Variants in SMPD3 observed in about 807,000 individuals in gnomAD.
SMPD3 encodes the protein nSMase-2.
Under a neutral mutation model 55.7 loss-of-function variants are expected in SMPD3, and 21 were observed. The ratio of observed to expected loss-of-function variants is 0.38; its 90% CI spans 0.27 to 0.54. SMPD3 has a LOEUF of 0.54. SMPD3 is among the 20% of genes least tolerant of loss of function. The probability of loss-of-function intolerance (pLI) is 0.80; values close to 1 mark genes in which losing one functional copy is unlikely to be tolerated. For missense variants in SMPD3, 842 were observed against 899.6 expected (o/e 0.94, Z 0.82); for synonymous variants, 457 against 404.3 (o/e 1.13, Z -1.56).
At chr16:68,441,691 CAGATAT>C (rs1374099487) in intron 1 of SMPD3, among the ~76,000 whole-genome samples, 6 of 152,094 alleles carry the variant, frequency 3.9e-5, no homozygotes, top group African/African-American at 1.4e-4. Flanking sequence ...TATTAGACAA[CAGATAT>C]ATAGACAGAC....
intron 1 of SMPD3, among the ~76,000 whole-genome samples, chr16:68,395,309 C>G (rs1474049938): frequency 1.3e-5 from 2 of 152,234 alleles, no homozygotes; most frequent in African/African-American, 4.8e-5. Flanking sequence ...CAGGGGCTCT[C>G]TGTTCCCACA....
chr16:68,416,180 A>T (rs930840714), intron 1 of SMPD3, among the ~76,000 whole-genome samples: 1 of 152,230 alleles, frequency 6.6e-6, no homozygotes, highest in African/African-American at 2.4e-5. Flanking sequence ...CTGTGCCCGT[A>T]ATCAGGTGTG....
intron 1 of SMPD3, among the ~76,000 whole-genome samples, chr16:68,419,984 T>G (rs1344949730): frequency 1.2e-4 from 1 of 8,480 alleles, no homozygotes; most frequent in Non-Finnish European, 3.7e-4. Context: ...AGCTATTGCT[T>G]TTTTTTTTTT....
At position 68,361,197 on chromosome 16, in the gene SMPD3, C is replaced by G. The variant is rs749278073; in HGVS notation, c.*9G>C. 1.1e-5 allele frequency: 17 copies of G among 1,612,180 alleles called. No individual in the cohort carries two copies. The South Asian group carries it at 1.7e-4, about 16-fold the overall frequency. ...AAGGGCTGGCAGAGGCCCCGCTGCT[C>G]CGGACGGTCTATGCCTCCTCCTCCC... On this transcript the variant is annotated 3_prime_UTR_variant, in exon 9 of 9. Transcript: ENST00000219334.
intron 1 of SMPD3, among the ~76,000 whole-genome samples, chr16:68,431,846 C>T (rs889177032): frequency 6.6e-5 from 10 of 152,174 alleles, no homozygotes; most frequent in South Asian, 2.1e-4. Flanking sequence ...GACTTGAACC[C>T]GGCAGGTGGA....
Position 68,447,327 on chromosome 16 carries a change from A to G in SMPD3, c.-269+1026T>C, listed in dbSNP as rs1359679266. ...GGGTAGCGTCTACCTGGAGCTCTTG[A>G]GTGCTTGAGGGGAGACCCGCCCCGT... On this transcript the variant is annotated intron_variant, in intron 1 of 8. Coordinates refer to ENST00000219334, the MANE Select transcript of SMPD3 (RefSeq NM_018667.4). The surrounding 1 kb of genome is among the most constrained non-coding windows in gnomAD (Gnocchi z 5.1). 6.6e-6 allele frequency among the ~76,000 whole-genome samples: 1 copy of G among 151,706 alleles called. No homozygotes were observed. The highest frequency in any genetic ancestry group is 6.6e-5 in the Admixed American group (1 of 15,256).
intron 1 of SMPD3, among the ~76,000 whole-genome samples, chr16:68,436,539 T>C (rs1370819919): frequency 6.6e-6 from 1 of 152,248 alleles, no homozygotes; most frequent in Non-Finnish European, 1.5e-5. Context: ...TCTTTGCACA[T>C]AGTAGTAGGC....
intron 1 of SMPD3, among the ~76,000 whole-genome samples, chr16:68,394,479 T>C (rs955276779): frequency 1.3e-5 from 2 of 152,248 alleles, no homozygotes; most frequent in African/African-American, 2.4e-5. Flanking sequence ...ATTTATTTCT[T>C]TCAAAGTAGT....
chr16:68,358,941 G>C lies in SMPD3; in HGVS notation c.*2265C>G, dbSNP rs973757116. The C allele has an allele frequency of 6.5e-6, 1 of 152,674 alleles. No homozygotes were observed. The highest frequency in any genetic ancestry group is 2.1e-4 in the South Asian group (1 of 4,834). The allele number at this position is 152,674 out of a possible 1,614,324, so 9.5% of individuals were successfully genotyped here. ...GGTCCCGGTCTTGGTGCTGAGGGAG[G>C]TGTGCGGGGGCCTGGGGGCCGCACA... On this transcript the variant is annotated 3_prime_UTR_variant, in exon 9 of 9. Transcript: ENST00000219334.
At chr16:68,369,232 A>AAAG (rs1225991564) in intron 3 of SMPD3, 1 of 152,024 alleles carries the variant, frequency 6.6e-6, no homozygotes, top group Non-Finnish European at 1.5e-5. Flanking sequence ...AAAAAAAAAA[A>AAAG]AAATTGGTCA....
intron 1 of SMPD3, among the ~76,000 whole-genome samples, chr16:68,418,291 A>AC (rs1272601237): frequency 2.0e-5 from 3 of 151,816 alleles, no homozygotes; most frequent in Non-Finnish European, 4.4e-5. Context: ...TGACTCAAAT[A>AC]CCCACAAGAG....
intron 1 of SMPD3, among the ~76,000 whole-genome samples, chr16:68,388,026 T>C (rs2090075999): frequency 6.6e-6 from 1 of 152,206 alleles, no homozygotes; most frequent in African/African-American, 2.4e-5. Flanking sequence ...ATTTAACTTC[T>C]GAGCCTCAGA....
In SMPD3 at chr16:68,372,152, G is replaced by C. The variant is rs893234660; in HGVS notation, c.30C>G (p.Asn10Lys). 5 of 1,612,642 alleles carry C rather than the reference G, an allele frequency of 3.1e-6. No homozygotes were observed. The African/African-American group carries it at 6.7e-5, about 22-fold the overall frequency. ...CACAGTGCAGGGCGGACAGACAGCT[G>C]TTAGGAAAGGGGGTCGTGTACAAAA... The part of the protein sequence containing the change: MVLYTTPFP[N>K]SCLSALHCVS... Residue 10 changes from asparagine to lysine, a missense_variant, in exon 3 of 9, where the codon AAC becomes AAG. Physicochemically the swap from Asn to Lys is moderately conservative, Grantham distance 94 (BLOSUM62 0). Around this residue, in one of 2 missense-constraint regions of SMPD3, gnomAD observed 193 missense variants for 256.0 expected, o/e 0.75. Transcript: ENST00000219334.
chr16:68,372,235 G>A lies in SMPD3; in HGVS notation c.-54C>T, dbSNP rs1381275866. ...CTACTACATGGTGTCCGTGGCAGCTGCGGGCACTTTCCTGGGCGAGGGTGG... is the reference window on the plus strand; with the variant it reads ...CTACTACATGGTGTCCGTGGCAGCTACGGGCACTTTCCTGGGCGAGGGTGG... On this transcript the variant is annotated 5_prime_UTR_variant, in exon 3 of 9. Transcript: ENST00000219334. 6.3e-7 allele frequency: 1 copy of A among 1,584,880 alleles called. No homozygotes were observed. Among genetic ancestry groups the A allele is most frequent in the African/African-American group, 1.3e-5 (1 of 74,716 alleles).
chr16:68,413,509 A>T (rs540623204), intron 1 of SMPD3, among the ~76,000 whole-genome samples: 2 of 151,926 alleles, frequency 1.3e-5, no homozygotes, highest in Admixed American at 6.5e-5. Context: ...TTCATTCCTT[A>T]ATCATTCAGA....
rs2089200379 is a variant in SMPD3, at chr16:68,360,609, G to C, written c.*597C>G. On this transcript the variant is annotated 3_prime_UTR_variant, in exon 9 of 9. Coordinates refer to ENST00000219334, the MANE Select transcript of SMPD3 (RefSeq NM_018667.4). ...GCCCTTGAATGCGAGACCCTGGGAA[G>C]AGCCCTGGGCTGGCTGGTAGAGATG... 1 of 153,266 alleles carries C rather than the reference G, an allele frequency of 6.5e-6. No homozygotes were observed. Among genetic ancestry groups the C allele is most frequent in the African/African-American group, 2.4e-5 (1 of 41,454 alleles). 9.5% of individuals were successfully genotyped at this position (153,266 alleles called of 1,614,324 possible). A position where few individuals can be genotyped will look rare whatever the true frequency, so the allele number is the denominator to read the frequency against.
Position 68,371,092 on chromosome 16 carries a change from C to G in SMPD3, c.1090G>C (p.Glu364Gln). Residue 364 changes from glutamate to glutamine, a missense_variant, in exon 3 of 9, where the codon GAG becomes CAG. By Grantham distance (29) the Glu-to-Gln change is conservative (BLOSUM62 2). Coordinates refer to ENST00000219334, the MANE Select transcript of SMPD3 (RefSeq NM_018667.4). ...PANLDFLCLQ[E>Q]VFDKRAATKL... ...GTGGCTGCTCGCTTGTCAAACACCT[C>G]CTGCAGGCACAGGAAGTCCAGGTTG... 6.2e-7 allele frequency: 1 copy of G among 1,614,198 alleles called. No homozygotes were observed. The highest frequency in any genetic ancestry group is 8.5e-7 in the Non-Finnish European group (1 of 1,180,044).
chr16:68,364,960 T>A lies in SMPD3; in HGVS notation c.1400-54A>T, dbSNP rs1400945496. 4 of 1,613,410 alleles carry A rather than the reference T, an allele frequency of 2.5e-6. No individual in the cohort carries two copies. In the East Asian group the frequency reaches 8.9e-5, roughly 36 times the overall value. On this transcript the variant is annotated intron_variant, in intron 4 of 8. Transcript: ENST00000219334. ...GATGAAGTTCGCCCCAGACCCCAGC[T>A]AGGCCCCAGGCACTGATCCCATGCC...
At chr16:68,440,508 C>A (rs2090557493) in intron 1 of SMPD3, among the ~76,000 whole-genome samples, 1 of 152,220 alleles carries the variant, frequency 6.6e-6, no homozygotes, top group Admixed American at 6.5e-5. Flanking sequence ...GCCTGAACTG[C>A]AAATTCTATA....
Sources: gnomAD v4.1 joint callset for allele counts (sites outside exome capture counted in the v4.1 genomes callset) on GRCh38, gnomAD v4.1.1 for gene constraint, gnomAD v4.1.1 regional missense constraint, Gnocchi (gnomAD v3.1) non-coding constraint, MANE v1.5 for transcripts, NCBI Gene and HGNC (gene_info 2026-07-23, HGNC 2026-07-21) for gene names.